Variants in TPO observed in about 807,000 individuals in gnomAD.
TPO encodes the protein thyroid peroxidase, also known as thyroid microsomal antigen.
In TPO, 78 loss-of-function variants were observed where a neutral mutation model predicts 96.9. That is an observed-to-expected ratio of 0.81 (90% confidence interval 0.67 to 0.97). The LOEUF is 0.97. TPO is among the 50% of genes least tolerant of loss of function. The pLI is 0.00. For missense variants in TPO, 1,252 were observed against 1,274.8 expected (o/e 0.98, Z 0.27); for synonymous variants, 547 against 538.0 (o/e 1.02, Z -0.23).
At chr2:1,443,558 A>G (rs545576062) in intron 5 of TPO, among the ~76,000 whole-genome samples, 1 of 144,624 alleles carries the variant, frequency 6.9e-6, no homozygotes, top group South Asian at 2.2e-4. Context: ...CCATGTTGGA[A>G]GGGAAAGGGC....
chr2:1,421,005 G>C (rs535551469), intron 2 of TPO, among the ~76,000 whole-genome samples: 88 of 152,108 alleles, frequency 5.8e-4, no homozygotes, highest in Non-Finnish European at 1.2e-3. Flanking sequence ...CAGGAGAGAA[G>C]TTCAAGTGGA....
At chr2:1,542,119 C>T (rs747880651) in intron 16 of TPO, 11 of 511,590 alleles carry the variant, frequency 2.2e-5, no homozygotes, top group East Asian at 1.0e-4. Flanking sequence ...CATCTGTGGT[C>T]GCAGGGACCT....
chr2:1,525,835 C>CA (rs1676329098), intron 15 of TPO, among the ~76,000 whole-genome samples: 1 of 146,290 alleles, frequency 6.8e-6, no homozygotes, highest in African/African-American at 2.5e-5. Flanking sequence ...AAATGCCCCC[C>CA]ACTCTGTGCA....
chr2:1,533,941 A>G (rs1239104945), intron 15 of TPO, among the ~76,000 whole-genome samples: 26 of 75,478 alleles, frequency 3.4e-4, no homozygotes, highest in Middle Eastern at 9.1e-3. Flanking sequence ...AACCAAATGT[A>G]TGCAACCTCC....
intron 1 of TPO, among the ~76,000 whole-genome samples, chr2:1,377,653 G>A (rs570115060): frequency 3.9e-5 from 6 of 152,256 alleles, no homozygotes; most frequent in South Asian, 4.1e-4. Context: ...AATTCATGTC[G>A]GTCTTGTCCT....
Position 1,540,717 on chromosome 2 carries a change from G to C in TPO, c.2742G>C (p.Ser914=). The C allele has an allele frequency of 3.1e-6, 5 of 1,613,308 alleles. No homozygotes were observed. Among genetic ancestry groups the C allele is most frequent in the Non-Finnish European group, 4.2e-6 (5 of 1,180,030 alleles). ...TSPQRAAAQD[S]EQESAGMEGR... ...CGCAGCGGGCCGCAGCTCAGGACTCGGAGCAGGTGGGCCACACCATGCCGC... is the reference window on the plus strand; with the variant it reads ...CGCAGCGGGCCGCAGCTCAGGACTCCGAGCAGGTGGGCCACACCATGCCGC... Residue 914 remains serine, a synonymous_variant, in exon 16 of 17, where the codon TCG becomes TCC. Transcript: ENST00000329066.
intron 5 of TPO, among the ~76,000 whole-genome samples, chr2:1,448,656 G>C (rs1420701280): frequency 6.6e-6 from 1 of 152,200 alleles, no homozygotes; most frequent in Non-Finnish European, 1.5e-5. Context: ...AAACAGCCCA[G>C]TGTGTTTTTC....
intron 8 of TPO, among the ~76,000 whole-genome samples, chr2:1,480,426 C>CCGACT (rs1670434443): frequency 6.6e-6 from 1 of 152,120 alleles, no homozygotes; most frequent in Non-Finnish European, 1.5e-5. Context: ...CCTGGTTCTA[C>CCGACT]CGACTCGTAG....
At chr2:1,444,300 CG>C (rs1666535636) in intron 5 of TPO, among the ~76,000 whole-genome samples, 1 of 79,198 alleles carries the variant, frequency 1.3e-5, no homozygotes, top group Admixed American at 1.4e-4. Flanking sequence ...TGGAAGGGAA[CG>C]GGGCAGGCTC....
intron 15 of TPO, among the ~76,000 whole-genome samples, chr2:1,534,963 C>T (rs72629188): frequency 0.43 from 1,543 of 3,568 alleles, 222 homozygotes; most frequent in Middle Eastern, 0.62. Flanking sequence ...CCACTGTGAG[C>T]AACCTCCTCA....
At chr2:1,542,345 T>C (rs910654111) in intron 16 of TPO, 76 bp from the exon 17 acceptor site, 3 of 1,586,510 alleles carry the variant, frequency 1.9e-6, no homozygotes, top group African/African-American at 2.7e-5. Flanking sequence ...GGCCCTTCTG[T>C]CTTGTATCAA....
intron 1 of TPO, among the ~76,000 whole-genome samples, chr2:1,374,649 G>T (rs1661690690): frequency 6.6e-6 from 1 of 151,698 alleles, no homozygotes; most frequent in African/African-American, 2.4e-5. Context: ...TGTTAATGAG[G>T]ATTTATTTGA....
chr2:1,454,896 CA>C (rs1667649050), intron 6 of TPO, among the ~76,000 whole-genome samples: 1 of 152,196 alleles, frequency 6.6e-6, no homozygotes, highest in African/African-American at 2.4e-5. Context: ...CAAATTGCTC[CA>C]AATTTAGTGG....
chr2:1,414,407 G>A lies in TPO; in HGVS notation c.-1-1G>A. The stretch of plus-strand genomic sequence containing the variant: ...ACTCTGTCTCCTTCCGTTAATTTTA[G>A]AATGAGAGCGCTCGCTGTGCTGTCT... On this transcript the variant is annotated splice_acceptor_variant, in intron 1 of 16. Transcript: ENST00000329066. LOFTEE classifies it low-confidence loss of function (5UTR_SPLICE). The A allele has an allele frequency of 6.2e-7, 1 of 1,613,124 alleles. No individual in the cohort carries two copies.
chr2:1,466,148 T>A (rs895732431), intron 7 of TPO, among the ~76,000 whole-genome samples: 5 of 152,222 alleles, frequency 3.3e-5, no homozygotes, highest in African/African-American at 9.6e-5. Flanking sequence ...ATCGAGACGA[T>A]CATGTGATTT....
chr2:1,436,453 A>C (rs1665581686), intron 5 of TPO, 69 bp downstream of exon 5: 1 of 1,607,494 alleles, frequency 6.2e-7, no homozygotes, highest in African/African-American at 1.3e-5. Flanking sequence ...TGCCATCATG[A>C]AGGAACTTCT....
chr2:1,387,477 A>C (rs1261163574), intron 1 of TPO, among the ~76,000 whole-genome samples: 2 of 152,140 alleles, frequency 1.3e-5, no homozygotes, highest in African/African-American at 4.8e-5. Flanking sequence ...TCAATCACTG[A>C]TACCCTTTCT....
intron 4 of TPO, among the ~76,000 whole-genome samples, chr2:1,434,506 G>C (rs1295102714): frequency 6.6e-6 from 1 of 152,098 alleles, no homozygotes; most frequent in Non-Finnish European, 1.5e-5. Flanking sequence ...AAACCATATG[G>C]CTGAACGATG....
intron 15 of TPO, among the ~76,000 whole-genome samples, chr2:1,523,471 C>T (rs1257984318): frequency 7.3e-6 from 1 of 137,770 alleles, no homozygotes; most frequent in African/African-American, 2.7e-5. Context: ...CCTCAGTTCC[C>T]TCCCACTCTA....
Sources: allele counts gnomAD v4.1 joint callset (sites outside exome capture counted in the v4.1 genomes callset), GRCh38; gene constraint gnomAD v4.1.1; transcripts MANE v1.5; gene names NCBI Gene and HGNC (gene_info 2026-07-23, HGNC 2026-07-21).